SLC7A1: variants seen among roughly 807,000 people sequenced by gnomAD.
The protein encoded by SLC7A1 is solute carrier family 7 member 1.
In SLC7A1, 10 loss-of-function variants were observed where a neutral mutation model predicts 53.9. That is an observed-to-expected ratio of 0.19 (90% CI 0.11 to 0.31). The LOEUF is 0.31. SLC7A1 is among the 10% of genes least tolerant of loss of function. The probability of loss-of-function intolerance (pLI) is 1.00; values close to 1 mark genes in which losing one functional copy is unlikely to be tolerated. For missense variants in SLC7A1, 525 were observed against 827.2 expected (o/e 0.63, Z 4.48); for synonymous variants, 342 against 338.7 (o/e 1.01, Z -0.11).
At chr13:29,579,976 C>T (rs1871573534) in intron 1 of SLC7A1, among the ~76,000 whole-genome samples, 1 of 152,192 alleles carries the variant, frequency 6.6e-6, no homozygotes, top group Non-Finnish European at 1.5e-5. Context: ...GTTGTTCCCA[C>T]TCAACATCCA....
chr13:29,569,863 G>A (rs978686831), intron 1 of SLC7A1, among the ~76,000 whole-genome samples: 2 of 152,184 alleles, frequency 1.3e-5, no homozygotes, highest in Admixed American at 6.5e-5. Flanking sequence ...AGGAGGCTGA[G>A]GCAGGAGTCG....
intron 1 of SLC7A1, among the ~76,000 whole-genome samples, chr13:29,567,074 T>C (rs1174776451): frequency 1.3e-5 from 2 of 152,200 alleles, no homozygotes; most frequent in Non-Finnish European, 2.9e-5. Flanking sequence ...AGGGTGAAAT[T>C]AGCTCCTATT....
At chr13:29,565,649 C>CAGG (rs1458912096) in intron 1 of SLC7A1, among the ~76,000 whole-genome samples, 1 of 152,200 alleles carries the variant, frequency 6.6e-6, no homozygotes, top group African/African-American at 2.4e-5. Flanking sequence ...TGCCATCTGC[C>CAGG]AGGACACAGG....
intron 5 of SLC7A1, among the ~76,000 whole-genome samples, 181 bp downstream of exon 5, chr13:29,530,357 C>A (rs1869091935): frequency 6.6e-6 from 1 of 152,194 alleles, no homozygotes; most frequent in Non-Finnish European, 1.5e-5. Flanking sequence ...TAAACCTTCA[C>A]ACAAACTTGA....
chr13:29,569,541 C>T (rs943745910), intron 1 of SLC7A1, among the ~76,000 whole-genome samples: 5 of 152,156 alleles, frequency 3.3e-5, no homozygotes, highest in African/African-American at 7.2e-5. Context: ...CCTCATGAGG[C>T]GGGGGCTGCA....
intron 1 of SLC7A1, among the ~76,000 whole-genome samples, chr13:29,585,102 A>G (rs1216588822): frequency 6.6e-6 from 1 of 152,184 alleles, no homozygotes; most frequent in African/African-American, 2.4e-5. Context: ...AGCAAACCAC[A>G]CTGGGGAATT....
intron 1 of SLC7A1, among the ~76,000 whole-genome samples, chr13:29,585,033 G>T (rs1325032152): frequency 2.0e-5 from 3 of 152,144 alleles, no homozygotes; most frequent in Non-Finnish European, 2.9e-5. Flanking sequence ...GCCTGACCAG[G>T]CCACCTTTGG....
intron 1 of SLC7A1, among the ~76,000 whole-genome samples, chr13:29,581,888 T>G (rs1015831238): frequency 3.9e-5 from 6 of 152,230 alleles, no homozygotes; most frequent in African/African-American, 1.4e-4. Flanking sequence ...ACCTACTCCT[T>G]TAGCGGCAAA....
chr13:29,580,825 C>T (rs1461325787), intron 1 of SLC7A1, among the ~76,000 whole-genome samples: 2 of 152,074 alleles, frequency 1.3e-5, no homozygotes, highest in African/African-American at 4.8e-5. Flanking sequence ...TCAGATTTCC[C>T]CAAAGAAGCA....
At chr13:29,586,539 A>G (rs1399644204) in intron 1 of SLC7A1, among the ~76,000 whole-genome samples, 2 of 152,238 alleles carry the variant, frequency 1.3e-5, no homozygotes, top group African/African-American at 4.8e-5. Context: ...ATGTTCTTTG[A>G]AAACGCCATT....
Position 29,591,298 on chromosome 13 carries a change from A to G in SLC7A1, c.-115+4118T>C, listed in dbSNP as rs932658694. On this transcript the variant is annotated intron_variant, in intron 1 of 12. Transcript: ENST00000380752. ...GCACTAGAAGGCAATTATTATGCAA[A>G]CAATATGAAAAAGAATTTAAATGTG... Among the ~76,000 whole-genome samples the G allele has an allele frequency of 2.0e-5, 3 of 152,200 alleles. No homozygotes were observed. The East Asian group carries it at 5.8e-4, about 29-fold the overall frequency.
At chr13:29,529,410 G>A (rs1378180356) in intron 5 of SLC7A1, among the ~76,000 whole-genome samples, 1 of 152,180 alleles carries the variant, frequency 6.6e-6, no homozygotes, top group African/African-American at 2.4e-5. Flanking sequence ...AGCCTCCCTT[G>A]CAGCTCTATG....
At chr13:29,583,922 A>AAAAC (rs762911932) in intron 1 of SLC7A1, among the ~76,000 whole-genome samples, 1 of 152,216 alleles carries the variant, frequency 6.6e-6, no homozygotes, top group African/African-American at 2.4e-5. Context: ...AAAAGTTAAA[A>AAAAC]AAACAAACAA....
Position 29,516,849 on chromosome 13 carries a change from T to C in SLC7A1, c.1677+295A>G, listed in dbSNP as rs190661897. 1.2e-3 allele frequency: 378 copies of C among 314,764 alleles called. 3 individuals are homozygous for C. Among genetic ancestry groups the C allele is most frequent in the African/African-American group, 7.8e-3 (363 of 46,804 alleles). 19.5% of individuals were successfully genotyped at this position (314,764 alleles called of 1,614,324 possible). A position where few individuals can be genotyped will look rare whatever the true frequency, so the allele number is the denominator to read the frequency against. ...ATTTATTTTCCAGAGAATTCAGAAA[T>C]AGATGCCGAATATCCAGGGACTGGC... is the stretch of plus-strand genomic sequence containing the variant. On this transcript the variant is annotated intron_variant, in intron 11 of 12. Coordinates refer to ENST00000380752, the MANE Select transcript of SLC7A1 (RefSeq NM_003045.5).
At chr13:29,535,206 G>A (rs1869350709) in intron 3 of SLC7A1, among the ~76,000 whole-genome samples, 1 of 152,152 alleles carries the variant, frequency 6.6e-6, no homozygotes, top group East Asian at 1.9e-4. Flanking sequence ...CAACATAATG[G>A]AAACAATCTG....
intron 1 of SLC7A1, among the ~76,000 whole-genome samples, chr13:29,594,778 C>T (rs928234480): frequency 2.6e-5 from 4 of 152,166 alleles, no homozygotes; most frequent in African/African-American, 9.6e-5. Flanking sequence ...GAGGTGCAGG[C>T]GGCGCGTCCC....
At chr13:29,531,869 T>C (rs1037825683) in intron 4 of SLC7A1, among the ~76,000 whole-genome samples, 1 of 152,198 alleles carries the variant, frequency 6.6e-6, no homozygotes, top group East Asian at 1.9e-4. Context: ...TAAAAACTGC[T>C]GTACTTTTGA....
chr13:29,556,026 G>A lies in SLC7A1; in HGVS notation c.-114-2166C>T, dbSNP rs371964648. ...AGCGGAACCCACGATTGCCTGTGGAGTTTTAATATAGTATCAAGGAAGAAT... is the reference window on the plus strand; with the variant it reads ...AGCGGAACCCACGATTGCCTGTGGAATTTTAATATAGTATCAAGGAAGAAT... On this transcript the variant is annotated intron_variant, in intron 1 of 12. Transcript: ENST00000380752. 2.5e-4 allele frequency among the ~76,000 whole-genome samples: 38 copies of A among 152,274 alleles called. No homozygotes were observed. The South Asian group carries it at 4.6e-3, about 18-fold the overall frequency.
rs1171959381 is a variant in SLC7A1, at chr13:29,513,334, G to A, written c.*1146C>T. 2 of 152,712 alleles carry A rather than the reference G, an allele frequency of 1.3e-5. No homozygotes were observed. Among genetic ancestry groups the A allele is most frequent in the Admixed American group, 6.5e-5 (1 of 15,292 alleles). The allele number at this position is 152,712 out of a possible 1,614,324, so 9.5% of individuals were successfully genotyped here. The stretch of plus-strand genomic sequence containing the variant: ...TCAGCTATAGGACAGCCGCAGGGGT[G>A]ATGACATGGCCATTTCCAAGTTAAT... On this transcript the variant is annotated 3_prime_UTR_variant, in exon 13 of 13. Coordinates refer to ENST00000380752, the MANE Select transcript of SLC7A1 (RefSeq NM_003045.5).
Sources: gnomAD v4.1 joint callset for allele counts (sites outside exome capture counted in the v4.1 genomes callset) on GRCh38, gnomAD v4.1.1 for gene constraint, MANE v1.5 for transcripts, NCBI Gene and HGNC (gene_info 2026-07-23, HGNC 2026-07-21) for gene names.